Variants in PHRF1 observed in about 807,000 individuals in gnomAD.
PHRF1 encodes the protein PHD and ring finger domains 1.
A neutral mutation model predicts 128.9 loss-of-function variants in PHRF1; 53 were observed. That is an observed-to-expected ratio of 0.41 (90% CI 0.33 to 0.52). The LOEUF (loss-of-function observed/expected upper bound fraction) is 0.52. Ranked by LOEUF, PHRF1 falls within the 20% of genes least tolerant of loss-of-function variation. PHRF1 has a pLI of 0.21. For synonymous variants in PHRF1, 1,178 were observed against 980.6 expected (o/e 1.20, Z -3.76); for missense variants, 2,503 against 2,284.5 (o/e 1.10, Z -1.95).
rs760575499 is a variant in PHRF1 at position 605,658 on chromosome 11, C to T, written c.1388C>T (p.Ala463Val). The change falls in exon 12 of 18, where the codon GCT becomes GTT. Residue 463 changes from alanine to valine, a missense_variant. By Grantham distance (64) the Ala-to-Val change is moderately conservative. Coordinates refer to ENST00000264555, the MANE Select transcript of PHRF1 (RefSeq NM_001286581.2). Reference protein sequence around the residue: ...PLSPLSAKRRALSRSALQSHQ... With the variant: ...PLSPLSAKRRVLSRSALQSHQ... ...TCCCCTCTGAGTGCCAAGAGACGGG[C>T]TCTGTCCCGGTCAGCCCTGCAGTCC... 6.3e-5 allele frequency: 102 copies of T among 1,613,532 alleles called. No individual in the cohort carries two copies. Among genetic ancestry groups the T allele is most frequent in the Non-Finnish European group, 8.2e-5 (97 of 1,179,890 alleles).
At position 598,513 on chromosome 11, in the gene PHRF1, A is replaced by AG; in HGVS notation, c.1024+14dup. The AG allele has an allele frequency of 6.2e-7, 1 of 1,604,310 alleles. No individual in the cohort carries two copies. The highest frequency in any genetic ancestry group is 1.1e-5 in the South Asian group (1 of 90,386). On this transcript the variant is annotated intron_variant, in intron 9 of 17. Transcript: ENST00000264555. ...GGAAGAGGAAGACAAGTAAGCCTGA[A>AG]GGGATGGACTCTCCCGCCAGCCACA... is the stretch of plus-strand genomic sequence containing the variant.
In PHRF1 at chr11:577,810, A is replaced by G. The variant is rs557162026; in HGVS notation, c.-22+1218A>G. Among the ~76,000 whole-genome samples the G allele has an allele frequency of 4.6e-5, 7 of 152,396 alleles. No homozygotes were observed. The South Asian group carries it at 1.4e-3, about 32-fold the overall frequency. ...GAACGGGGTTGCAGGCACCCCGGACACCAGAGGCCCTTTTCATTCCTTAGT... is the reference window on the plus strand; with the variant it reads ...GAACGGGGTTGCAGGCACCCCGGACGCCAGAGGCCCTTTTCATTCCTTAGT... On this transcript the variant is annotated intron_variant, in intron 1 of 17. Transcript: ENST00000264555.
chr11:606,305 G>A, intron 12 of PHRF1, 137 bp from the exon 13 acceptor site: 1 of 1,180,442 alleles, frequency 8.5e-7, no homozygotes, highest in South Asian at 1.6e-5. Context: ...AGCAGCCGGA[G>A]CCAGGGCTGT....
In PHRF1 at chr11:598,612, A is replaced by C; in HGVS notation, c.1024+110A>C. On this transcript the variant is annotated intron_variant, in intron 9 of 17. Coordinates refer to ENST00000264555, the MANE Select transcript of PHRF1 (RefSeq NM_001286581.2). ...GGGCATTTCCATTTCTTCTTTCTGC[A>C]AGTTAATCTTCTCTGCTGAAAACAC... 2.8e-6 allele frequency: 4 copies of C among 1,427,620 alleles called. No homozygotes were observed. The East Asian group carries it at 1.0e-4, about 36-fold the overall frequency. The allele number at this position is 1,427,620 out of a possible 1,614,324, so 88.4% of individuals were successfully genotyped here. A position where few individuals can be genotyped will look rare whatever the true frequency, so the allele number is the denominator to read the frequency against.
chr11:589,028 C>T (rs562038063), intron 4 of PHRF1, among the ~76,000 whole-genome samples: 14 of 151,650 alleles, frequency 9.2e-5, no homozygotes, highest in East Asian at 7.8e-4. Flanking sequence ...CCCAGCTACT[C>T]GGGAGGCTGA....
At chr11:605,538 T>A in intron 11 of PHRF1, 67 bp from the exon 12 acceptor site, 1 of 1,588,058 alleles carries the variant, frequency 6.3e-7, no homozygotes, top group Non-Finnish European at 8.6e-7. Context: ...CCGTGCCGTC[T>A]CCCTGGGCTG....
At chr11:610,799 TCTTA>T in intron 16 of PHRF1, 38 bp downstream of exon 16, 2 of 1,591,136 alleles carry the variant, frequency 1.3e-6, no homozygotes, top group Non-Finnish European at 8.5e-7. Context: ...CATGTTCCCA[TCTTA>T]CTTTGAAACT....
rs764452826 is a variant in PHRF1 at position 607,676 on chromosome 11, G to A, written c.2220G>A (p.Glu740=). The A allele has an allele frequency of 4.3e-6, 7 of 1,610,154 alleles. No individual in the cohort carries two copies. Among genetic ancestry groups the A allele is most frequent in the Non-Finnish European group, 4.2e-6 (5 of 1,178,374 alleles). Residue 740 remains glutamate (E), a synonymous_variant, in exon 14 of 18, where the codon GAG becomes GAA. Coordinates refer to ENST00000264555, the MANE Select transcript of PHRF1 (RefSeq NM_001286581.2). ...ESEASSRVPR[E]PGVHTGSSRP... ...AGGCCAGCAGCAGGGTGCCCCGGGA[G>A]CCCGGGGTGCACACGGGCAGCTCCC... is the stretch of plus-strand genomic sequence containing the variant.
At position 611,741 on chromosome 11, in the gene PHRF1, C is replaced by T. The variant is rs772850194; in HGVS notation, c.4914C>T (p.Ala1638=). 1.1e-5 allele frequency: 17 copies of T among 1,611,860 alleles called. No homozygotes were observed. The African/African-American group carries it at 1.2e-4, about 11-fold the overall frequency. The change falls in exon 18 of 18, where the codon GCC becomes GCT. Residue 1638 remains alanine (A), a synonymous_variant. Coordinates refer to ENST00000264555, the MANE Select transcript of PHRF1 (RefSeq NM_001286581.2). ...RHMRRHKKPE[A]GEEPPTQGAE... is the part of the protein sequence containing the mutation. Reference sequence around the variant, plus strand: ...TGCGCAGGCACAAGAAACCAGAGGCCGGGGAGGAGCCGCCCACGCAGGGGG... The same window carrying T: ...TGCGCAGGCACAAGAAACCAGAGGCTGGGGAGGAGCCGCCCACGCAGGGGG...
chr11:598,378 A>T lies in PHRF1; in HGVS notation c.900A>T (p.Thr300=), dbSNP rs1252451292. 6.2e-7 allele frequency: 1 copy of T among 1,608,744 alleles called. No homozygotes were observed. The highest frequency in any genetic ancestry group is 2.2e-5 in the East Asian group (1 of 44,882). The change falls in exon 9 of 18, where the codon ACA becomes ACT. Residue 300 remains threonine, a synonymous_variant. Coordinates refer to ENST00000264555, the MANE Select transcript of PHRF1 (RefSeq NM_001286581.2). ...CACCACCCCTTTGCCTGTAGCACAC[A>T]CCAGGGCGCCTCGGGTCTTCCCTGC... ...RISTARRVQH[T]PGRLGSSLLD... is the part of the protein sequence containing the mutation.
intron 12 of PHRF1, among the ~76,000 whole-genome samples, 164 bp from the exon 13 acceptor site, chr11:606,278 T>G (rs1855932273): frequency 2.0e-5 from 3 of 152,180 alleles, no homozygotes. Context: ...GAGGCCCCGG[T>G]GAGCACCTCT....
chr11:598,355 C>T lies in PHRF1; in HGVS notation c.895-18C>T. 1 of 1,603,992 alleles carries T rather than the reference C, an allele frequency of 6.2e-7. No homozygotes were observed. ...GAGGCCCCAAGGGCATCTGACGGCACCACCCCTTTGCCTGTAGCACACACC... is the reference window on the plus strand; with the variant it reads ...GAGGCCCCAAGGGCATCTGACGGCATCACCCCTTTGCCTGTAGCACACACC... On this transcript the variant is annotated intron_variant, in intron 8 of 17. Coordinates refer to ENST00000264555, the MANE Select transcript of PHRF1 (RefSeq NM_001286581.2).
intron 3 of PHRF1, among the ~76,000 whole-genome samples, chr11:586,766 G>T (rs576523789): frequency 6.6e-6 from 1 of 152,158 alleles, no homozygotes; most frequent in Non-Finnish European, 1.5e-5. Flanking sequence ...GCCTCCCACA[G>T]GGAGGAGGAA....
At chr11:602,762 T>G (rs1034064364) in intron 10 of PHRF1, among the ~76,000 whole-genome samples, 1 of 142,010 alleles carries the variant, frequency 7.0e-6, no homozygotes, top group African/African-American at 3.0e-5. Context: ...TTTGTTTTTG[T>G]TTTTTTTGTT....
rs1321639375 is a variant in PHRF1 at position 608,780 on chromosome 11, G to A, written c.3324G>A (p.Lys1108=). 9 of 1,611,804 alleles carry A rather than the reference G, an allele frequency of 5.6e-6. No homozygotes were observed. The highest frequency in any genetic ancestry group is 7.6e-6 in the Non-Finnish European group (9 of 1,179,712). ...CCTATGAGCACTATGAGAGTAGGAA[G>A]AAGAAGAAAAGGAGATCAGCGTCCA... ...SSSYEHYESR[K]KKKRRSASRP... The change falls in exon 14 of 18, where the codon AAG becomes AAA. Residue 1108 remains lysine (K), a synonymous_variant. Coordinates refer to ENST00000264555, the MANE Select transcript of PHRF1 (RefSeq NM_001286581.2).
intron 6 of PHRF1, among the ~76,000 whole-genome samples, chr11:593,016 G>A (rs922696349): frequency 2.0e-5 from 3 of 152,198 alleles, no homozygotes; most frequent in African/African-American, 4.8e-5. Flanking sequence ...CTATGCCTGC[G>A]TCCATCATTC....
intron 1 of PHRF1, among the ~76,000 whole-genome samples, chr11:581,157 G>A (rs564492140): frequency 9.2e-5 from 14 of 151,832 alleles, no homozygotes; most frequent in Admixed American, 7.2e-4. Context: ...TTTTCTGGCC[G>A]GGTACAGTGG....
In PHRF1 at chr11:607,761, G is replaced by T. The variant is rs753782109; in HGVS notation, c.2305G>T (p.Gly769Trp). The change falls in exon 14 of 18, where the codon GGG becomes TGG. Residue 769 changes from glycine to tryptophan, a missense_variant. Coordinates refer to ENST00000264555, the MANE Select transcript of PHRF1 (RefSeq NM_001286581.2). ...LAPLGPSRGK[G>W]VGSTFESFRI... ...CCCACTGGGACCATCAAGAGGGAAA[G>T]GGGTCGGGTCGACCTTTGAGAGCTT... 2 of 1,612,518 alleles carry T rather than the reference G, an allele frequency of 1.2e-6. No individual in the cohort carries two copies. The highest frequency in any genetic ancestry group is 1.1e-5 in the South Asian group (1 of 91,086).
In PHRF1 at chr11:609,399, G is replaced by C; in HGVS notation, c.3943G>C (p.Ala1315Pro). 1 of 1,610,794 alleles carries C rather than the reference G, an allele frequency of 6.2e-7. No homozygotes were observed. Among genetic ancestry groups the C allele is most frequent in the Non-Finnish European group, 8.5e-7 (1 of 1,179,866 alleles). ...LKPALPPASL[A>P]VAAIQREVSL... Reference sequence around the variant, plus strand: ...GCCTGCGTTGCCCCCAGCCAGCCTGGCCGTGGCCGCCATCCAGAGGGAGGT... The same window carrying C: ...GCCTGCGTTGCCCCCAGCCAGCCTGCCCGTGGCCGCCATCCAGAGGGAGGT... Residue 1315 changes from alanine (A) to proline (P), a missense_variant, in exon 14 of 18, where the codon GCC (alanine) becomes CCC (proline). Physicochemically the swap from Ala to Pro is conservative, Grantham distance 27. Coordinates refer to ENST00000264555, the MANE Select transcript of PHRF1 (RefSeq NM_001286581.2).
Sources: allele counts gnomAD v4.1 joint callset (sites outside exome capture counted in the v4.1 genomes callset), GRCh38; gene constraint gnomAD v4.1.1; transcripts MANE v1.5; gene names NCBI Gene and HGNC (gene_info 2026-07-23, HGNC 2026-07-21).